SEC14L4: variants seen among roughly 807,000 people sequenced by gnomAD.
The protein encoded by SEC14L4 is SEC14 like lipid binding 4.
SEC14L4 carries 42 observed loss-of-function variants against 55.1 expected under a neutral mutation model. The ratio of observed to expected loss-of-function variants is 0.76; its 90% CI spans 0.60 to 0.99. The LOEUF (loss-of-function observed/expected upper bound fraction) is 0.99, where lower values mean the gene tolerates loss of function less well. Ranked by LOEUF, SEC14L4 falls within the 50% of genes least tolerant of loss-of-function variation. The probability of loss-of-function intolerance (pLI) is 0.00; values close to 1 mark genes in which losing one functional copy is unlikely to be tolerated. For missense variants in SEC14L4, 445 were observed against 512.1 expected, an observed-to-expected ratio of 0.87 and a Z score of 1.27; for synonymous variants, 206 against 206.8, an observed-to-expected ratio of 1.00 and a Z score of 0.03.
intron 11 of SEC14L4, among the ~76,000 whole-genome samples, chr22:30,491,073 TG>T (rs1935935927): frequency 6.6e-6 from 1 of 152,222 alleles, no homozygotes; most frequent in Non-Finnish European, 1.5e-5. Context: ...AAATCAACCT[TG>T]GGTTCCCCTT....
Position 30,492,460 on chromosome 22 carries a change from G to C in SEC14L4, c.664+14C>G. The stretch of plus-strand genomic sequence containing the variant: ...CCAGGCAGATGGACACAACCAGGGG[G>C]CCACGTCGCTCACCTCCCAGAATCA... On this transcript the variant is annotated intron_variant, in intron 8 of 11. Coordinates refer to ENST00000255858, the MANE Select transcript of SEC14L4 (RefSeq NM_174977.4). The C allele has an allele frequency of 1.2e-6, 2 of 1,607,892 alleles. No individual in the cohort carries two copies. Among genetic ancestry groups the C allele is most frequent in the Non-Finnish European group, 8.5e-7 (1 of 1,174,354 alleles).
At chr22:30,501,979 GC>G (rs1023060730) in intron 2 of SEC14L4, among the ~76,000 whole-genome samples, 9 of 150,514 alleles carry the variant, frequency 6.0e-5, no homozygotes, top group African/African-American at 2.2e-4. Flanking sequence ...TGATTCTCGT[GC>G]CTCAGCCTCC....
intron 3 of SEC14L4, 133 bp from the exon 4 acceptor site, chr22:30,495,775 C>T: frequency 6.2e-7 from 1 of 1,600,444 alleles, no homozygotes; most frequent in Admixed American, 1.7e-5. Flanking sequence ...AGGAGGTGGG[C>T]TGGGGGGACT....
chr22:30,503,694 A>T lies in SEC14L4; in HGVS notation c.113T>A (p.Leu38His), dbSNP rs143173846. The T allele has an allele frequency of 4.3e-6, 7 of 1,612,146 alleles. No homozygotes were observed. The highest frequency in any genetic ancestry group is 1.6e-4 in the Middle Eastern group (1 of 6,082). Residue 38 changes from leucine (L) to histidine (H), a missense_variant, in exon 2 of 12, where the codon CTC becomes CAC. By Grantham distance (99) the Leu-to-His change is moderately conservative. Coordinates refer to ENST00000255858, the MANE Select transcript of SEC14L4 (RefSeq NM_174977.4). Reference protein sequence around the residue: ...PILPNADDYFLLRWLRARNFD... With the variant: ...PILPNADDYFHLRWLRARNFD... ...AGCCTCACCTCGCAGCCAGCGCAGG[A>T]GGAAGTAGTCATCAGCATTGGGCAG... is the stretch of plus-strand genomic sequence containing the variant.
Position 30,505,631 on chromosome 22 carries a change from A to G in SEC14L4, c.-20T>C, listed in dbSNP as rs778957989. ...GCTCATGGTGCCCGCGGGCGCAGAA[A>G]GGCTCAGGGCGCAGGTCCGCCCGCC... is the stretch of plus-strand genomic sequence containing the variant. On this transcript the variant is annotated 5_prime_UTR_variant, in exon 1 of 12. Coordinates refer to ENST00000255858, the MANE Select transcript of SEC14L4 (RefSeq NM_174977.4). 56 of 1,544,328 alleles carry G rather than the reference A, an allele frequency of 3.6e-5. No homozygotes were observed. The highest frequency in any genetic ancestry group is 4.6e-5 in the Non-Finnish European group (53 of 1,150,150).
rs778130911 is a variant in SEC14L4 at position 30,494,216 on chromosome 22, G to T, written c.520-6C>A. The stretch of plus-strand genomic sequence containing the variant: ...GCTTCCAGGATGCTAAAAAACTGTG[G>T]AGTCAAGATGAGTCTGGTTGGGGCT... On this transcript the variant is annotated splice_region_variant and splice_polypyrimidine_tract_variant and intron_variant, in intron 6 of 11. Transcript: ENST00000255858. 182 of 1,610,346 alleles carry T rather than the reference G, an allele frequency of 1.1e-4. No individual in the cohort carries two copies. The Admixed American group carries it at 3.0e-3, about 26-fold the overall frequency.
intron 2 of SEC14L4, among the ~76,000 whole-genome samples, chr22:30,501,004 C>T (rs143408957): frequency 4.0e-5 from 6 of 151,472 alleles, no homozygotes; most frequent in African/African-American, 1.2e-4. Context: ...CGAGACCAGC[C>T]TGGGCAATGT....
At position 30,489,743 on chromosome 22, in the gene SEC14L4, A is replaced by C. The variant is rs1378990312; in HGVS notation, c.*364T>G. 5 of 943,476 alleles carry C rather than the reference A, an allele frequency of 5.3e-6. No individual in the cohort carries two copies. Among genetic ancestry groups the C allele is most frequent in the Non-Finnish European group, 8.4e-6 (5 of 595,674 alleles). The allele number at this position is 943,476 out of a possible 1,614,324, so 58.4% of individuals were successfully genotyped here. ...ACCTAGGAACCACGCACACCCCCTG[A>C]AGCTGGAACACCAGGCATGGGTGAG... On this transcript the variant is annotated 3_prime_UTR_variant, in exon 12 of 12. Coordinates refer to ENST00000255858, the MANE Select transcript of SEC14L4 (RefSeq NM_174977.4).
At position 30,495,447 on chromosome 22, in the gene SEC14L4, A is replaced by C; in HGVS notation, c.235-5T>G. On this transcript the variant is annotated splice_polypyrimidine_tract_variant and splice_region_variant and intron_variant, in intron 4 of 11. Coordinates refer to ENST00000255858, the MANE Select transcript of SEC14L4 (RefSeq NM_174977.4). The stretch of plus-strand genomic sequence containing the variant: ...CGAGTCATACAGCTGGATGACCTGG[A>C]AGTGTGGGTAAGGTCCCGACTCAAT... 1 of 1,612,758 alleles carries C rather than the reference A, an allele frequency of 6.2e-7. No individual in the cohort carries two copies. The highest frequency in any genetic ancestry group is 1.7e-5 in the Admixed American group (1 of 59,952).
intron 7 of SEC14L4, 141 bp downstream of exon 7, chr22:30,494,005 ATAAC>A (rs1406572918): frequency 4.6e-6 from 3 of 653,384 alleles, no homozygotes; most frequent in Non-Finnish European, 8.2e-6. Context: ...CTCCATCTCA[ATAAC>A]TAACTAACCA....
chr22:30,495,997 G>A (rs1250602628), intron 2 of SEC14L4, 26 bp from the exon 3 acceptor site: 1 of 1,610,520 alleles, frequency 6.2e-7, no homozygotes, highest in African/African-American at 1.3e-5. Context: ...GTAAATAGAA[G>A]CTCAAGGCTA....
At chr22:30,495,069 A>C in intron 5 of SEC14L4, 108 bp from the exon 6 acceptor site, 3 of 1,023,244 alleles carry the variant, frequency 2.9e-6, no homozygotes, top group Non-Finnish European at 4.3e-6. Context: ...ACCCTCTGGC[A>C]GCCCACAGCG....
chr22:30,497,064 C>A (rs750911632), intron 2 of SEC14L4, among the ~76,000 whole-genome samples: 1 of 152,146 alleles, frequency 6.6e-6, no homozygotes, highest in African/African-American at 2.4e-5. Flanking sequence ...CCCGGCCAGG[C>A]GTGGTGGCTC....
rs1936087953 is a variant in SEC14L4, at chr22:30,494,925, C to T, written c.460G>A (p.Asp154Asn). The change falls in exon 6 of 12, where the codon GAC becomes AAC. Residue 154 changes from aspartate to asparagine, a missense_variant. Asp to Asn is a conservative substitution (Grantham distance 23). Coordinates refer to ENST00000255858, the MANE Select transcript of SEC14L4 (RefSeq NM_174977.4). The part of the protein sequence containing the change: ...RKIEMALMVF[D>N]MEGLSLKHLW... The stretch of plus-strand genomic sequence containing the variant: ...TGTTTCAGGCTCAGCCCCTCCATGT[C>T]AAACACCATCAGCGCCATCTCGATC... 3 of 1,613,592 alleles carry T rather than the reference C, an allele frequency of 1.9e-6. No individual in the cohort carries two copies. The highest frequency in any genetic ancestry group is 1.7e-5 in the Admixed American group (1 of 59,946).
intron 11 of SEC14L4, 43 bp from the exon 12 acceptor site, chr22:30,490,289 A>T (rs1351820914): frequency 6.2e-7 from 1 of 1,606,760 alleles, no homozygotes; most frequent in Admixed American, 1.7e-5. Context: ...AACCCCGCAC[A>T]TCTGCAGGAA....
chr22:30,503,411 T>G (rs1190352785), intron 2 of SEC14L4, among the ~76,000 whole-genome samples: 1 of 151,998 alleles, frequency 6.6e-6, no homozygotes, highest in Admixed American at 6.5e-5. Flanking sequence ...ATTACAGGCA[T>G]GTGCCACCAA....
At chr22:30,501,874 T>TATATATATATATAC (rs1491008526) in intron 2 of SEC14L4, among the ~76,000 whole-genome samples, 1 of 130,254 alleles carries the variant, frequency 7.7e-6, no homozygotes. Context: ...TATATATATA[T>TATATATATATATAC]ACATACACAT....
At chr22:30,498,228 T>TA (rs1569245139) in intron 2 of SEC14L4, among the ~76,000 whole-genome samples, 2 of 146,836 alleles carry the variant, frequency 1.4e-5, no homozygotes, top group African/African-American at 5.0e-5. Context: ...GTCCAGGCAA[T>TA]TCTCATGCCT....
rs570592316 is a variant in SEC14L4, at chr22:30,491,076, G to T, written c.1081+497C>A. The stretch of plus-strand genomic sequence containing the variant: ...CTCCTCCATAGGAAATCAACCTTGG[G>T]TTCCCCTTCTCCTAGCTCTGTTCCC... On this transcript the variant is annotated intron_variant, in intron 11 of 11. Transcript: ENST00000255858. Among the ~76,000 whole-genome samples the T allele has an allele frequency of 3.9e-5, 6 of 152,308 alleles. No homozygotes were observed. The South Asian group carries it at 1.2e-3, about 32-fold the overall frequency.
Sources: allele counts gnomAD v4.1 joint callset (sites outside exome capture counted in the v4.1 genomes callset), GRCh38; gene constraint gnomAD v4.1.1; transcripts MANE v1.5; gene names NCBI Gene and HGNC (gene_info 2026-07-23, HGNC 2026-07-21).